Variants in THRB observed in about 807,000 individuals in gnomAD.
THRB encodes thyroid hormone receptor beta.
In THRB, 12 loss-of-function variants were observed where a neutral mutation model predicts 47.8. The observed-to-expected ratio is 0.25, with a 90% CI of 0.16 to 0.41. The LOEUF is 0.41. THRB is among the 10% of genes least tolerant of loss of function. The pLI is 1.00. For missense variants in THRB, 348 were observed against 589.2 expected, an observed-to-expected ratio of 0.59 and a Z score of 4.24; for synonymous variants, 218 against 212.2, an observed-to-expected ratio of 1.03 and a Z score of -0.24.
At chr3:24,229,845 T>A (rs1258794374) in intron 3 of THRB, among the ~76,000 whole-genome samples, 2 of 152,176 alleles carry the variant, frequency 1.3e-5, no homozygotes, top group African/African-American at 4.8e-5. Flanking sequence ...GGCTTAGGAA[T>A]AGCACTGAAG....
intron 4 of THRB, among the ~76,000 whole-genome samples, chr3:24,226,930 C>A (rs2150065586): frequency 6.6e-6 from 1 of 152,274 alleles, no homozygotes; most frequent in East Asian, 1.9e-4. Flanking sequence ...AATATTTATT[C>A]ACTGGCCCTT....
At chr3:24,222,608 C>T (rs1289947007) in intron 4 of THRB, among the ~76,000 whole-genome samples, 1 of 152,146 alleles carries the variant, frequency 6.6e-6, no homozygotes, top group Non-Finnish European at 1.5e-5. Flanking sequence ...TAAAGACTTT[C>T]TGTGTGATGT....
At chr3:24,260,815 T>C (rs768084688) in intron 3 of THRB, among the ~76,000 whole-genome samples, 24 of 152,214 alleles carry the variant, frequency 1.6e-4, no homozygotes, top group Non-Finnish European at 2.6e-4. Flanking sequence ...TGGAAGATAA[T>C]TCCCTACAAT....
chr3:24,436,380 G>GCC (rs1322893667), intron 1 of THRB, among the ~76,000 whole-genome samples: 2 of 152,092 alleles, frequency 1.3e-5, no homozygotes, highest in African/African-American at 4.8e-5. Flanking sequence ...CAAACGCACA[G>GCC]CAGTAAACAA....
At chr3:24,413,360 C>CAAAGAGG (rs1188609745) in intron 1 of THRB, among the ~76,000 whole-genome samples, 1 of 151,714 alleles carries the variant, frequency 6.6e-6, no homozygotes, top group East Asian at 2.0e-4. Flanking sequence ...AATATGTCCA[C>CAAAGAGG]ATTCTAATCC....
At chr3:24,298,740 A>G (rs1361154881) in intron 2 of THRB, among the ~76,000 whole-genome samples, 3 of 152,174 alleles carry the variant, frequency 2.0e-5, no homozygotes, top group African/African-American at 7.2e-5. Flanking sequence ...TTCCTCTTAC[A>G]TGGAAGGCCT....
chr3:24,209,148 C>T (rs2045737857), intron 4 of THRB, among the ~76,000 whole-genome samples: 1 of 152,162 alleles, frequency 6.6e-6, no homozygotes. Flanking sequence ...CCATCTCACA[C>T]CAGTTAGAAT....
At chr3:24,284,903 A>G (rs2055084414) in intron 3 of THRB, among the ~76,000 whole-genome samples, 1 of 152,218 alleles carries the variant, frequency 6.6e-6, no homozygotes, top group South Asian at 2.1e-4. Flanking sequence ...CACCAGTTAG[A>G]ATGGCAATCA....
chr3:24,233,215 T>C (rs527426058), intron 3 of THRB, among the ~76,000 whole-genome samples: 1 of 152,286 alleles, frequency 6.6e-6, no homozygotes, highest in East Asian at 1.9e-4. Context: ...GGAATTATTA[T>C]CAACACTTAG....
At chr3:24,227,982 T>C (rs1029612949) in intron 4 of THRB, among the ~76,000 whole-genome samples, 10 of 152,216 alleles carry the variant, frequency 6.6e-5, no homozygotes, top group Admixed American at 1.3e-4. Context: ...TTTTTATAAG[T>C]TATTTGCTAA....
chr3:24,481,018 A>T (rs73823330), intron 1 of THRB, among the ~76,000 whole-genome samples: 2,596 of 152,238 alleles, frequency 0.017, 74 homozygotes, highest in African/African-American at 0.054. Context: ...GCTGCCATAC[A>T]AGTTGAAGAA....
intron 1 of THRB, among the ~76,000 whole-genome samples, chr3:24,443,483 A>T (rs2196428): frequency 0.34 from 51,811 of 152,048 alleles, 9,510 homozygotes; most frequent in African/African-American, 0.45. Flanking sequence ...AGTTTACATA[A>T]TTTTGATATC....
chr3:24,478,377 T>C (rs1188896950), intron 1 of THRB, among the ~76,000 whole-genome samples: 1 of 152,230 alleles, frequency 6.6e-6, no homozygotes, highest in Non-Finnish European at 1.5e-5. Context: ...AAATATTTGA[T>C]AACAAAAGAA....
At chr3:24,358,286 T>A (rs2063825299) in intron 1 of THRB, among the ~76,000 whole-genome samples, 1 of 152,306 alleles carries the variant, frequency 6.6e-6, no homozygotes, top group African/African-American at 2.4e-5. Flanking sequence ...ATAAATGTTA[T>A]ATAGCCAAAC....
intron 4 of THRB, among the ~76,000 whole-genome samples, chr3:24,193,858 A>G (rs984393586): frequency 2.0e-5 from 3 of 152,222 alleles, no homozygotes; most frequent in Non-Finnish European, 4.4e-5. Flanking sequence ...TTGCAAAAAT[A>G]TGGAACCAGC....
chr3:24,260,300 G>A (rs1306259613), intron 3 of THRB, among the ~76,000 whole-genome samples: 1 of 152,144 alleles, frequency 6.6e-6, no homozygotes, highest in Admixed American at 6.5e-5. Flanking sequence ...AGCCCTTGCC[G>A]TATCCAGCAC....
Position 24,233,587 on chromosome 3 carries a change from G to GAAAGAAAGAAAGAAAGAAAGAAAAAT in THRB, c.-42-4587_-42-4586insATTTTTCTTTCTTTCTTTCTTTCTTT, listed in dbSNP as rs1559684123. 3.2e-3 allele frequency among the ~76,000 whole-genome samples: 358 copies of GAAAGAAAGAAAGAAAGAAAGAAAAAT among 112,122 alleles called. 2 individuals are homozygous for GAAAGAAAGAAAGAAAGAAAGAAAAAT. The highest frequency in any genetic ancestry group is 0.01 in the African/African-American group (340 of 32,790). 73.6% of individuals were successfully genotyped at this position (112,122 alleles called of 152,430 possible). On this transcript the variant is annotated intron_variant, in intron 3 of 10. Coordinates refer to ENST00000646209, the MANE Select transcript of THRB (RefSeq NM_001354712.2). Reference sequence around the variant, plus strand: ...AGAAAGAAAGAAAGAAAGAAAGAAAGAAAGAAAGAAAGAAAGAAAGAAAGA... The same window carrying GAAAGAAAGAAAGAAAGAAAGAAAAAT: ...AGAAAGAAAGAAAGAAAGAAAGAAAGAAAGAAAGAAAGAAAGAAAGAAAAATAAAGAAAGAAAGAAAGAAAGAAAGA...
At chr3:24,321,099 T>C (rs545755606) in intron 2 of THRB, among the ~76,000 whole-genome samples, 2 of 152,334 alleles carry the variant, frequency 1.3e-5, no homozygotes, top group South Asian at 2.1e-4. Flanking sequence ...AGTATTTCTT[T>C]AGAATTATTT....
chr3:24,301,589 T>C (rs1171714424), intron 2 of THRB, among the ~76,000 whole-genome samples: 4 of 152,034 alleles, frequency 2.6e-5, no homozygotes. Context: ...CTATCCCTTA[T>C]TAATTAGCTC....
Sources: gnomAD v4.1 joint callset for allele counts (sites outside exome capture counted in the v4.1 genomes callset) on GRCh38, gnomAD v4.1.1 for gene constraint, MANE v1.5 for transcripts, NCBI Gene and HGNC (gene_info 2026-07-23, HGNC 2026-07-21) for gene names.